OXR1: variants seen among roughly 807,000 people sequenced by gnomAD.
OXR1 encodes oxidation resistance 1.
Under a neutral mutation model 104.6 loss-of-function variants are expected in OXR1, and 41 were observed. The observed-to-expected ratio is 0.39, with a 90% CI of 0.31 to 0.51. The LOEUF (loss-of-function observed/expected upper bound fraction) is 0.51, where lower values mean the gene tolerates loss of function less well. Among genes scored for constraint, OXR1 ranks in the 20% least tolerant of loss-of-function variants. The pLI is 0.77. For synonymous variants in OXR1, 348 were observed against 348.4 expected, an observed-to-expected ratio of 1.00 and a Z score of 0.01; for missense variants, 955 against 1,031.9, an observed-to-expected ratio of 0.93 and a Z score of 1.02.
At chr8:106,622,891 C>T (rs1354388373) in intron 3 of OXR1, among the ~76,000 whole-genome samples, 3 of 152,186 alleles carry the variant, frequency 2.0e-5, no homozygotes, top group South Asian at 2.1e-4. Context: ...GGGCCTAATA[C>T]GTAGAATGTC....
intron 14 of OXR1, among the ~76,000 whole-genome samples, chr8:106,741,302 G>C (rs1484411404): frequency 6.6e-6 from 1 of 152,098 alleles, no homozygotes; most frequent in Admixed American, 6.5e-5. Context: ...TTCATTTATA[G>C]AAAGTTTTAT....
At chr8:106,547,338 T>C (rs1344857423) in intron 3 of OXR1, among the ~76,000 whole-genome samples, 2 of 152,146 alleles carry the variant, frequency 1.3e-5, no homozygotes, top group African/African-American at 4.8e-5. Context: ...CAACCATCAT[T>C]CTATTTTCTG....
At chr8:106,470,219 G>A (rs1190736022) in intron 2 of OXR1, among the ~76,000 whole-genome samples, 1 of 151,764 alleles carries the variant, frequency 6.6e-6, no homozygotes, top group Non-Finnish European at 1.5e-5. Context: ...GACATCATCT[G>A]TAAATACTAA....
At chr8:106,712,160 C>G (rs1312951734) in intron 10 of OXR1, among the ~76,000 whole-genome samples, 1 of 151,378 alleles carries the variant, frequency 6.6e-6, no homozygotes, top group Non-Finnish European at 1.5e-5. Flanking sequence ...TTAATAATGT[C>G]ATTCAATTAT....
At chr8:106,694,732 TTA>T (rs1458903386) in intron 7 of OXR1, among the ~76,000 whole-genome samples, 2,861 of 111,072 alleles carry the variant, frequency 0.026, 216 homozygotes, top group East Asian at 0.052. Flanking sequence ...TTTTATATAT[TTA>T]TATATATATT....
chr8:106,623,430 G>T (rs922708736), intron 3 of OXR1, among the ~76,000 whole-genome samples: 6 of 151,934 alleles, frequency 3.9e-5, no homozygotes, highest in Non-Finnish European at 7.4e-5. Flanking sequence ...ATGAAAACAT[G>T]CATTGAATGC....
intron 2 of OXR1, among the ~76,000 whole-genome samples, chr8:106,377,940 T>C (rs1816975289): frequency 1.3e-5 from 2 of 152,184 alleles, no homozygotes; most frequent in African/African-American, 2.4e-5. Context: ...GTAGTATAGG[T>C]GCTATCTTCT....
At chr8:106,322,301 A>G (rs760327349) in intron 1 of OXR1, among the ~76,000 whole-genome samples, 10 of 152,204 alleles carry the variant, frequency 6.6e-5, no homozygotes, top group Non-Finnish European at 1.5e-5. Flanking sequence ...CAAAAACCAC[A>G]TGATTATCTC....
At chr8:106,360,924 G>A (rs1279601544) in intron 2 of OXR1, among the ~76,000 whole-genome samples, 2 of 152,138 alleles carry the variant, frequency 1.3e-5, no homozygotes, top group African/African-American at 2.4e-5. Context: ...GAAAAGGAAA[G>A]GGCAGGAGAT....
intron 3 of OXR1, among the ~76,000 whole-genome samples, chr8:106,651,305 C>G (rs1208060635): frequency 6.6e-6 from 1 of 152,082 alleles, no homozygotes; most frequent in Non-Finnish European, 1.5e-5. Context: ...GTTGTTTATG[C>G]CTTTGGTGTA....
At chr8:106,729,171 T>TAAA (rs1833628549) in intron 11 of OXR1, among the ~76,000 whole-genome samples, 1 of 152,124 alleles carries the variant, frequency 6.6e-6, no homozygotes, top group South Asian at 2.1e-4. Context: ...CTCACAACCC[T>TAAA]GTGGAATATT....
At chr8:106,511,855 G>A (rs1812553829) in intron 2 of OXR1, among the ~76,000 whole-genome samples, 1 of 152,198 alleles carries the variant, frequency 6.6e-6, no homozygotes, top group South Asian at 2.1e-4. Context: ...TTGTATTTCA[G>A]CTTTTCTACT....
At chr8:106,530,730 C>T (rs1015034703) in intron 3 of OXR1, among the ~76,000 whole-genome samples, 6 of 152,020 alleles carry the variant, frequency 3.9e-5, no homozygotes, top group Admixed American at 2.6e-4. Flanking sequence ...TGTACATCTA[C>T]ATAGAAGCAA....
chr8:106,387,548 T>C (rs1264736845), intron 2 of OXR1, among the ~76,000 whole-genome samples: 2 of 152,164 alleles, frequency 1.3e-5, no homozygotes, highest in Non-Finnish European at 2.9e-5. Flanking sequence ...ATTTTGCTTA[T>C]AAATCTTTAT....
intron 3 of OXR1, among the ~76,000 whole-genome samples, chr8:106,519,422 C>G (rs1813095230): frequency 6.6e-6 from 1 of 152,314 alleles, no homozygotes; most frequent in Admixed American, 6.5e-5. Flanking sequence ...TACTATCTCT[C>G]TCTCTCTTAG....
At chr8:106,501,168 G>A (rs145430784) in intron 2 of OXR1, among the ~76,000 whole-genome samples, 1 of 152,264 alleles carries the variant, frequency 6.6e-6, no homozygotes, top group African/African-American at 2.4e-5. Context: ...GTCTCCCTCT[G>A]TTGCTCAGGC....
At chr8:106,634,293 T>G (rs1207568810) in intron 3 of OXR1, among the ~76,000 whole-genome samples, 2 of 152,194 alleles carry the variant, frequency 1.3e-5, no homozygotes, top group African/African-American at 2.4e-5. Context: ...CTATAGCTGA[T>G]TTATAGGAGA....
chr8:106,377,944 A>G (rs568597651), intron 2 of OXR1, among the ~76,000 whole-genome samples: 1 of 152,238 alleles, frequency 6.6e-6, no homozygotes, highest in South Asian at 2.1e-4. Flanking sequence ...TATAGGTGCT[A>G]TCTTCTTTTT....
At chr8:106,636,638 T>G (rs189990655) in intron 3 of OXR1, among the ~76,000 whole-genome samples, 9 of 152,330 alleles carry the variant, frequency 5.9e-5, no homozygotes, top group Middle Eastern at 3.4e-3. Flanking sequence ...TACAAATAGT[T>G]TCTCCTATAT....
Sources: allele counts gnomAD v4.1 joint callset (sites outside exome capture counted in the v4.1 genomes callset), GRCh38; gene constraint gnomAD v4.1.1; transcripts MANE v1.5; gene names NCBI Gene and HGNC (gene_info 2026-07-23, HGNC 2026-07-21).